PTPRN2: variants seen among roughly 807,000 people sequenced by gnomAD.
PTPRN2 encodes protein tyrosine phosphatase receptor type N2, also known as receptor-type tyrosine-protein phosphatase N2.
PTPRN2 carries 74 observed loss-of-function variants against 118.8 expected under a neutral mutation model. That is an observed-to-expected ratio of 0.62 (90% CI 0.52 to 0.76). PTPRN2 has a LOEUF of 0.76. PTPRN2 is among the 30% of genes least tolerant of loss of function. The pLI is 0.00. For synonymous variants in PTPRN2, 641 were observed against 608.0 expected (o/e 1.05, Z -0.80); for missense variants, 1,481 against 1,394.4 (o/e 1.06, Z -0.99).
At chr7:157,899,283 G>T (rs1275837620) in intron 11 of PTPRN2, among the ~76,000 whole-genome samples, 1 of 152,144 alleles carries the variant, frequency 6.6e-6, no homozygotes, top group Non-Finnish European at 1.5e-5. Flanking sequence ...GTTTTCTCCT[G>T]ATGTAGAATG....
rs377680399 is a variant in PTPRN2 at position 157,656,476 on chromosome 7, C to T, written c.2077G>A (p.Val693Ile). 104 of 1,555,134 alleles carry T rather than the reference C, an allele frequency of 6.7e-5. No homozygotes were observed. Among genetic ancestry groups the T allele is most frequent in the Non-Finnish European group, 8.1e-5 (93 of 1,152,650 alleles). ...GGCCCGTCGCTGAACTGGGATGAGA[C>T]GCTGCTGATGCGTGACGTGTGCGGG... ...EGPHTSRISSVSSQFSDGPIP... is the reference protein window; with the variant it reads ...EGPHTSRISSISSQFSDGPIP... Residue 693 changes from valine to isoleucine, a missense_variant, in exon 14 of 23, where the codon GTC (valine) becomes ATC (isoleucine). By Grantham distance (29) the Val-to-Ile change is conservative (BLOSUM62 3). Around this residue, in one of 3 missense-constraint regions of PTPRN2, gnomAD observed 1,115 missense variants for 994.2 expected, o/e 1.12. Coordinates refer to ENST00000389418, the MANE Select transcript of PTPRN2 (RefSeq NM_002847.5).
At chr7:158,500,357 A>G (rs1822271641) in intron 1 of PTPRN2, among the ~76,000 whole-genome samples, 1 of 152,214 alleles carries the variant, frequency 6.6e-6, no homozygotes, top group Admixed American at 6.5e-5. Flanking sequence ...AGCTCGCTAC[A>G]TTTCCAGTGT....
chr7:157,979,145 A>G (rs1802954788), intron 11 of PTPRN2, among the ~76,000 whole-genome samples: 2 of 152,040 alleles, frequency 1.3e-5, no homozygotes. Flanking sequence ...TTCTGTGTAC[A>G]ACCAGAACCT....
At chr7:157,961,202 C>T (rs1467020098) in intron 11 of PTPRN2, among the ~76,000 whole-genome samples, 1 of 151,700 alleles carries the variant, frequency 6.6e-6, no homozygotes, top group African/African-American at 2.4e-5. Context: ...TGATTTTTTC[C>T]AAAAATTTCA....
intron 12 of PTPRN2, among the ~76,000 whole-genome samples, chr7:157,767,998 G>A (rs1269904820): frequency 6.6e-6 from 1 of 152,184 alleles, no homozygotes; most frequent in Non-Finnish European, 1.5e-5. Flanking sequence ...TGCTGACACC[G>A]AGCGGTAAAA....
At chr7:157,701,997 AG>A (rs1798097415) in intron 12 of PTPRN2, among the ~76,000 whole-genome samples, 1 of 134,552 alleles carries the variant, frequency 7.4e-6, no homozygotes, top group Non-Finnish European at 1.6e-5. Context: ...AGAGCCGGGT[AG>A]GTGCTGGTGT....
chr7:157,754,617 G>C (rs1801674412), intron 12 of PTPRN2, among the ~76,000 whole-genome samples: 1 of 152,222 alleles, frequency 6.6e-6, no homozygotes, highest in African/African-American at 2.4e-5. Context: ...GGAGGCCGAG[G>C]CTCCGGCTGG....
chr7:157,617,214 A>T lies in PTPRN2; in HGVS notation c.2344+4148T>A. The T allele has an allele frequency of 6.6e-6, 1 of 151,918 alleles. No homozygotes were observed. The highest frequency in any genetic ancestry group is 1.5e-5 in the Non-Finnish European group (1 of 68,024). 9.4% of individuals were successfully genotyped at this position (151,918 alleles called of 1,614,324 possible). A position where few individuals can be genotyped will look rare whatever the true frequency, so the allele number is the denominator to read the frequency against. On this transcript the variant is annotated intron_variant, in intron 15 of 22. Coordinates refer to ENST00000389418, the MANE Select transcript of PTPRN2 (RefSeq NM_002847.5). This position sits in a 1 kb window ranked among gnomAD's most constrained non-coding sequence, Gnocchi z 7.5. The stretch of plus-strand genomic sequence containing the variant: ...TGATGCCGTGGTTAGGACACTGCTC[A>T]CGCAGCTGCAGCGCAGAGCACGGGG...
intron 11 of PTPRN2, among the ~76,000 whole-genome samples, chr7:158,002,049 A>C (rs527579071): frequency 1.3e-5 from 2 of 152,192 alleles, no homozygotes; most frequent in Admixed American, 6.5e-5. Context: ...CTTCCCTTGG[A>C]GTCACCTCGG....
At chr7:158,299,063 G>A (rs188898510) in intron 3 of PTPRN2, among the ~76,000 whole-genome samples, 1 of 152,228 alleles carries the variant, frequency 6.6e-6, no homozygotes, top group Non-Finnish European at 1.5e-5. Flanking sequence ...AGACACTAAT[G>A]GACAGAACGT....
At chr7:158,577,833 G>A (rs1047543037) in intron 1 of PTPRN2, among the ~76,000 whole-genome samples, 1 of 152,224 alleles carries the variant, frequency 6.6e-6, no homozygotes, top group Non-Finnish European at 1.5e-5. Context: ...CTAAGTGGAT[G>A]GAGTAAGGGA....
chr7:157,556,954 T>C (rs1798923089), intron 21 of PTPRN2, among the ~76,000 whole-genome samples: 1 of 149,020 alleles, frequency 6.7e-6, no homozygotes, highest in African/African-American at 2.5e-5. Context: ...CACCCTACGC[T>C]CATGTCATAT....
At chr7:158,112,447 G>A (rs1191694472) in intron 9 of PTPRN2, among the ~76,000 whole-genome samples, 1 of 152,200 alleles carries the variant, frequency 6.6e-6, no homozygotes, top group African/African-American at 2.4e-5. Context: ...CTGGAGACGA[G>A]TGCAGGAGGC....
chr7:157,569,151 CT>C (rs1159482793), intron 20 of PTPRN2, among the ~76,000 whole-genome samples, 185 bp from the exon 21 acceptor site: 1 of 152,258 alleles, frequency 6.6e-6, no homozygotes, highest in African/African-American at 2.4e-5. Context: ...AGGGAGGCCC[CT>C]GGGGGCTTCG....
intron 10 of PTPRN2, among the ~76,000 whole-genome samples, chr7:158,082,658 C>T (rs1272358690): frequency 6.6e-6 from 1 of 152,212 alleles, no homozygotes; most frequent in East Asian, 1.9e-4. Flanking sequence ...ACGGATATTC[C>T]CTTTGGCTTC....
At chr7:157,973,937 T>G (rs1802537062) in intron 11 of PTPRN2, among the ~76,000 whole-genome samples, 1 of 152,188 alleles carries the variant, frequency 6.6e-6, no homozygotes, top group African/African-American at 2.4e-5. Flanking sequence ...GGAAACACAT[T>G]TCTCCATTCA....
intron 3 of PTPRN2, among the ~76,000 whole-genome samples, chr7:158,231,580 A>C (rs1455922349): frequency 6.6e-6 from 1 of 152,240 alleles, no homozygotes; most frequent in African/African-American, 2.4e-5. Flanking sequence ...GCAAGAAATC[A>C]ACAAAGAAAC....
intron 12 of PTPRN2, among the ~76,000 whole-genome samples, chr7:157,698,711 T>C (rs1271073211): frequency 6.6e-6 from 1 of 152,262 alleles, no homozygotes; most frequent in Non-Finnish European, 1.5e-5. Flanking sequence ...GTTTTCACTG[T>C]CTAGATTCTA....
chr7:157,856,359 GT>G (rs1269269412), intron 12 of PTPRN2, among the ~76,000 whole-genome samples: 3 of 152,166 alleles, frequency 2.0e-5, no homozygotes, highest in Admixed American at 6.5e-5. Context: ...GCTGTTTTTT[GT>G]TTTCGCTTTT....
Sources: gnomAD v4.1 joint callset for allele counts (sites outside exome capture counted in the v4.1 genomes callset) on GRCh38, gnomAD v4.1.1 for gene constraint, gnomAD v4.1.1 regional missense constraint, Gnocchi (gnomAD v3.1) non-coding constraint, MANE v1.5 for transcripts, NCBI Gene and HGNC (gene_info 2026-07-23, HGNC 2026-07-21) for gene names.